Variants in HEXB observed in about 807,000 individuals in gnomAD.
HEXB encodes beta-hexosaminidase subunit beta.
Under a neutral mutation model 71.2 loss-of-function variants are expected in HEXB, and 51 were observed. The observed-to-expected ratio is 0.72, with a 90% CI of 0.57 to 0.90. HEXB has a LOEUF of 0.90. Among genes scored for constraint, HEXB ranks in the 40% least tolerant of loss-of-function variants. The probability of loss-of-function intolerance (pLI) is 0.00; values close to 1 mark genes in which losing one functional copy is unlikely to be tolerated. For missense variants in HEXB, 617 were observed against 677.0 expected, an observed-to-expected ratio of 0.91 and a Z score of 0.98; for synonymous variants, 266 against 249.3, an observed-to-expected ratio of 1.07 and a Z score of -0.63.
intron 11 of HEXB, 42 bp downstream of exon 11, chr5:74,719,013 A>G: frequency 1.9e-6 from 3 of 1,592,516 alleles, no homozygotes; most frequent in Non-Finnish European, 2.6e-6. Context: ...GTTACTGTGA[A>G]GCTGATGGTA....
At chr5:74,707,058 A>C (rs1749414410) in intron 6 of HEXB, among the ~76,000 whole-genome samples, 2 of 152,266 alleles carry the variant, frequency 1.3e-5, no homozygotes, top group Admixed American at 6.5e-5. Context: ...GGGCAGACTG[A>C]CACCTCACAC....
chr5:74,698,798 ATG>A (rs769572264), intron 5 of HEXB, among the ~76,000 whole-genome samples: 15 of 152,244 alleles, frequency 9.9e-5, no homozygotes, highest in Non-Finnish European at 2.2e-4. Flanking sequence ...AACAATATAA[ATG>A]TGCATAAAAT....
chr5:74,697,113 AATT>A lies in HEXB; in HGVS notation c.669+9_669+11del. On this transcript the variant is annotated splice_region_variant and intron_variant, in intron 5 of 13. Transcript: ENST00000261416. Reference sequence around the variant, plus strand: ...GATTATTCTTAAAACTCTGGTAAGTAATTACTTCATTCTAATCTGTTGTCTATT... The same window carrying A: ...GATTATTCTTAAAACTCTGGTAAGTAACTTCATTCTAATCTGTTGTCTATT... The A allele has an allele frequency of 8.5e-7, 1 of 1,182,312 alleles. No homozygotes were observed. 73.2% of individuals were successfully genotyped at this position (1,182,312 alleles called of 1,614,324 possible).
At chr5:74,705,112 A>T in intron 5 of HEXB, 107 bp from the exon 6 acceptor site, 54 of 608,552 alleles carry the variant, frequency 8.9e-5, no homozygotes, top group Non-Finnish European at 1.3e-4. Flanking sequence ...AAAAAAAAAA[A>T]GTTTTAAAGG....
intron 1 of HEXB, among the ~76,000 whole-genome samples, chr5:74,666,887 G>A (rs935556451): frequency 1.3e-5 from 2 of 152,130 alleles, no homozygotes; most frequent in African/African-American, 2.4e-5. Flanking sequence ...TAATGGAGAC[G>A]TGTTCTTAGG....
At chr5:74,685,600 G>A (rs1030854315) in intron 1 of HEXB, 41 bp downstream of exon 1, 10 of 1,509,784 alleles carry the variant, frequency 6.6e-6, no homozygotes, top group Non-Finnish European at 5.3e-6. Context: ...CCTGGGGGAG[G>A]GGAGAGGCGG....
chr5:74,701,482 C>G (rs1749259573), intron 5 of HEXB, among the ~76,000 whole-genome samples: 1 of 152,048 alleles, frequency 6.6e-6, no homozygotes, highest in South Asian at 2.1e-4. Context: ...TTACTAAATA[C>G]TAAATTCAGT....
chr5:74,696,950 A>G, intron 4 of HEXB, 46 bp from the exon 5 acceptor site: 1 of 1,031,884 alleles, frequency 9.7e-7, no homozygotes. Context: ...TGAGTTCAAG[A>G]CAACAGAAAA....
chr5:74,669,988 C>T (rs553080157), intron 1 of HEXB, among the ~76,000 whole-genome samples: 124 of 152,250 alleles, frequency 8.1e-4, no homozygotes, highest in African/African-American at 2.9e-3. Context: ...GGAGGCAGAC[C>T]AATCCTAGGC....
chr5:74,700,306 C>A (rs1470276480), intron 5 of HEXB, among the ~76,000 whole-genome samples: 1 of 152,018 alleles, frequency 6.6e-6, no homozygotes, highest in Non-Finnish European at 1.5e-5. Context: ...CTGTGCCCAG[C>A]TGTAAGTTTA....
At chr5:74,709,541 G>T (rs1338915963) in intron 6 of HEXB, among the ~76,000 whole-genome samples, 3 of 152,192 alleles carry the variant, frequency 2.0e-5, no homozygotes, top group Middle Eastern at 6.8e-3. Flanking sequence ...TTGATAGAAC[G>T]CTAGCAAGAC....
upstream of HEXB, among the ~76,000 whole-genome samples, chr5:74,681,325 G>C (rs1425755289): frequency 6.6e-6 from 1 of 152,134 alleles, no homozygotes; most frequent in Non-Finnish European, 1.5e-5. Flanking sequence ...AGTGAGTAGA[G>C]CCCAGTTGCT....
chr5:74,693,356 A>C, intron 2 of HEXB: 1 of 491,740 alleles, frequency 2.0e-6, no homozygotes, highest in South Asian at 2.1e-5. Flanking sequence ...GAGTGACTCA[A>C]GTGACTGGAT....
intron 1 of HEXB, among the ~76,000 whole-genome samples, chr5:74,679,991 G>C (rs1748709402): frequency 6.6e-6 from 1 of 152,064 alleles, no homozygotes; most frequent in Non-Finnish European, 1.5e-5. Context: ...TATTTTAACA[G>C]TATGACTGAC....
intron 1 of HEXB, among the ~76,000 whole-genome samples, chr5:74,678,857 A>G (rs1208644496): frequency 6.6e-6 from 1 of 152,240 alleles, no homozygotes; most frequent in Non-Finnish European, 1.5e-5. Context: ...CACTAGAGAA[A>G]AGAAAACAAC....
At chr5:74,689,861 A>T (rs1748958356) in intron 2 of HEXB, 1 of 202,948 alleles carries the variant, frequency 4.9e-6, no homozygotes, top group African/African-American at 2.4e-5. Context: ...GTATTTTTAT[A>T]TCATGCTTTT....
Position 74,685,312 on chromosome 5 carries a change from C to T in HEXB, c.52C>T (p.Leu18=). ...LPRPPMLLAL[L]LATLLAAMLA... is the part of the protein sequence containing the mutation. ...CCGGCCGCCCATGCTGCTGGCGCTG[C>T]TGTTGGCGACACTGCTGGCGGCGAT... is the stretch of plus-strand genomic sequence containing the variant. The change falls in exon 1 of 14, where the codon CTG becomes TTG. Residue 18 remains leucine (L), a synonymous_variant. Coordinates refer to ENST00000261416, the MANE Select transcript of HEXB (RefSeq NM_000521.4). 2.6e-6 allele frequency: 4 copies of T among 1,568,016 alleles called. No individual in the cohort carries two copies. The highest frequency in any genetic ancestry group is 2.6e-6 in the Non-Finnish European group (3 of 1,159,724).
At chr5:74,719,765 A>T (rs1037640591) in intron 11 of HEXB, among the ~76,000 whole-genome samples, 14 of 152,052 alleles carry the variant, frequency 9.2e-5, no homozygotes, top group Admixed American at 1.3e-4. Context: ...AAGATGGTGA[A>T]ATTCTGTCTC....
intron 1 of HEXB, among the ~76,000 whole-genome samples, chr5:74,643,620 C>A (rs1182936247): frequency 6.6e-6 from 1 of 152,194 alleles, no homozygotes; most frequent in Non-Finnish European, 1.5e-5. Context: ...TCTCCCCTAA[C>A]AATGTTATTT....
Sources: gnomAD v4.1 joint callset for allele counts (sites outside exome capture counted in the v4.1 genomes callset) on GRCh38, gnomAD v4.1.1 for gene constraint, MANE v1.5 for transcripts, NCBI Gene and HGNC (gene_info 2026-07-23, HGNC 2026-07-21) for gene names.